Variants in SMAD2 observed in about 807,000 individuals in gnomAD.
SMAD2 encodes the protein SMAD family member 2.
In SMAD2, 8 loss-of-function variants were observed where a neutral mutation model predicts 64.4. The observed-to-expected ratio is 0.12, with a 90% CI of 0.07 to 0.22. The LOEUF (loss-of-function observed/expected upper bound fraction) is 0.22. Ranked by LOEUF, SMAD2 falls within the 10% of genes least tolerant of loss-of-function variation. SMAD2 has a pLI of 1.00. For synonymous variants in SMAD2, 203 were observed against 195.8 expected (o/e 1.04, Z -0.31); for missense variants, 289 against 561.2 (o/e 0.51, Z 4.90).
Position 47,860,224 on chromosome 18 carries a change from T to C in SMAD2, c.730+4835A>G, listed in dbSNP as rs142740390. On this transcript the variant is annotated intron_variant, in intron 6 of 10. Coordinates refer to ENST00000262160, the MANE Select transcript of SMAD2 (RefSeq NM_005901.6). ...ACATACACAAAATTAAAAATGTAAA[T>C]AATTCTCAATTTAAAAAACCTTTTC... Among the ~76,000 whole-genome samples the C allele has an allele frequency of 5.6e-3, 860 of 152,242 alleles. 4 individuals carry two copies. Among genetic ancestry groups the C allele is most frequent in the African/African-American group, 0.019 (803 of 41,536 alleles).
chr18:47,919,259 A>G (rs775977793), intron 1 of SMAD2, among the ~76,000 whole-genome samples: 3 of 152,054 alleles, frequency 2.0e-5, no homozygotes. Context: ...ATTTTCAGAC[A>G]TGCAACATCT....
At chr18:47,903,876 T>G (rs371389152) in intron 1 of SMAD2, among the ~76,000 whole-genome samples, 2,095 of 48,878 alleles carry the variant, frequency 0.043, 193 homozygotes, top group Non-Finnish European at 0.051. Flanking sequence ...AAAAACAGTG[T>G]GGGGGGGGGG....
chr18:47,904,681 T>A (rs1598870827), intron 1 of SMAD2, among the ~76,000 whole-genome samples: 1 of 152,158 alleles, frequency 6.6e-6, no homozygotes, highest in Non-Finnish European at 1.5e-5. Context: ...AAGGTCATCA[T>A]CACTAAGTAG....
chr18:47,896,659 T>G lies in SMAD2; in HGVS notation c.98A>C (p.Gln33Pro). 6.2e-7 allele frequency: 1 copy of G among 1,614,168 alleles called. No individual in the cohort carries two copies. The highest frequency in any genetic ancestry group is 1.1e-5 in the South Asian group (1 of 91,082). The change falls in exon 2 of 11, where the codon CAG becomes CCG. Residue 33 changes from glutamine to proline, a missense_variant. By Grantham distance (76) the Gln-to-Pro change is moderately conservative (BLOSUM62 -1). Around this residue, in one of 6 missense-constraint regions of SMAD2, gnomAD observed 89 missense variants for 137.1 expected, o/e 0.65. Transcript: ENST00000262160. Reference protein sequence around the residue: ...GGSGGAGGGEQNGQEEKWCEK... With the variant: ...GGSGGAGGGEPNGQEEKWCEK... ...ACACCACTTTTCTTCCTGCCCATTC[T>G]GCTCTCCTCCGCCTGCTCCTCCAGA...
At chr18:47,853,942 T>TG (rs2030405956) in intron 6 of SMAD2, among the ~76,000 whole-genome samples, 1 of 152,166 alleles carries the variant, frequency 6.6e-6, no homozygotes, top group Non-Finnish European at 1.5e-5. Context: ...TTTTAACTGT[T>TG]TACTCCTCTA....
chr18:47,913,560 G>A lies in SMAD2; in HGVS notation c.-53-16751C>T, dbSNP rs571064431. On this transcript the variant is annotated intron_variant, in intron 1 of 10. Transcript: ENST00000262160. ...ATTATGTAATAAAATAACATTTGTT[G>A]TAAGTAATGCTGATAATACATCTTC... Among the ~76,000 whole-genome samples, 179 of 152,304 alleles carry A rather than the reference G, an allele frequency of 1.2e-3. 2 individuals are homozygous for A. Among genetic ancestry groups the A allele is most frequent in the Admixed American group, 1.6e-3 (25 of 15,300 alleles).
chr18:47,915,928 C>CCTTTTGAA (rs1345301074), intron 1 of SMAD2, among the ~76,000 whole-genome samples: 2 of 152,024 alleles, frequency 1.3e-5, no homozygotes, highest in Non-Finnish European at 2.9e-5. Flanking sequence ...TTTTTAACAC[C>CCTTTTGAA]CTTTTGAAAG....
intron 2 of SMAD2, among the ~76,000 whole-genome samples, chr18:47,888,279 A>G (rs1006163386): frequency 6.6e-6 from 1 of 152,220 alleles, no homozygotes; most frequent in African/African-American, 2.4e-5. Context: ...GCAGCAAAGC[A>G]GCTTTCTAGG....
intron 2 of SMAD2, among the ~76,000 whole-genome samples, chr18:47,893,262 A>T (rs1415150221): frequency 6.6e-6 from 1 of 152,230 alleles, no homozygotes; most frequent in African/African-American, 2.4e-5. Flanking sequence ...AAACTGCCAG[A>T]GGCAACAAGA....
chr18:47,854,698 T>C (rs114077818), intron 6 of SMAD2, among the ~76,000 whole-genome samples: 1 of 152,122 alleles, frequency 6.6e-6, no homozygotes, highest in Non-Finnish European at 1.5e-5. Context: ...TGTTTTAATT[T>C]AAAAAAGACT....
At chr18:47,849,669 A>G (rs761457158) in intron 7 of SMAD2, among the ~76,000 whole-genome samples, 19 of 152,092 alleles carry the variant, frequency 1.2e-4, no homozygotes, top group Non-Finnish European at 2.2e-4. Context: ...GATTACTTAT[A>G]ATACCTAATA....
At position 47,815,745 on chromosome 18, in the gene SMAD2, G is replaced by A. The variant is rs1428882042; in HGVS notation, c.*26082C>T. 1 of 152,246 alleles carries A rather than the reference G, an allele frequency of 6.6e-6. No homozygotes were observed. Among genetic ancestry groups the A allele is most frequent in the Non-Finnish European group, 1.5e-5 (1 of 68,050 alleles). The allele number at this position is 152,246 out of a possible 1,614,324, so 9.4% of individuals were successfully genotyped here. A position where few individuals can be genotyped will look rare whatever the true frequency, so the allele number is the denominator to read the frequency against. ...TGAACTGGTCTCGACACACTTGGCT[G>A]TGAATAGCAGGGATAGAAAGTAGTT... On this transcript the variant is annotated 3_prime_UTR_variant, in exon 11 of 11. Transcript: ENST00000262160.
intron 8 of SMAD2, among the ~76,000 whole-genome samples, chr18:47,848,223 A>G (rs1024487323): frequency 1.7e-4 from 26 of 152,224 alleles, no homozygotes; most frequent in Non-Finnish European, 8.8e-5. Flanking sequence ...AATTAAACTT[A>G]TCTTAACACA....
At chr18:47,917,398 G>A in intron 1 of SMAD2, among the ~76,000 whole-genome samples, 1 of 152,076 alleles carries the variant, frequency 6.6e-6, no homozygotes, top group Admixed American at 6.6e-5. Flanking sequence ...AATACAGTTG[G>A]TTGGATTTTT....
At chr18:47,888,853 G>A (rs1023333536) in intron 2 of SMAD2, among the ~76,000 whole-genome samples, 6 of 152,146 alleles carry the variant, frequency 3.9e-5, no homozygotes, top group African/African-American at 7.2e-5. Context: ...AACAGAAGCA[G>A]ACCAACAGAT....
At chr18:47,850,812 ATATAT>A (rs1319156740) in intron 7 of SMAD2, among the ~76,000 whole-genome samples, 47 of 3,696 alleles carry the variant, frequency 0.013, 1 homozygote, top group African/African-American at 0.023. Context: ...ATTATGTATA[ATATAT>A]TATATATTAT....
intron 1 of SMAD2, chr18:47,922,789 T>C (rs2034614338): frequency 1.3e-5 from 2 of 152,374 alleles, no homozygotes; most frequent in African/African-American, 4.8e-5. Context: ...ACCCAATTTT[T>C]TAAAAACAGA....
chr18:47,890,703 A>G (rs569408802), intron 2 of SMAD2, among the ~76,000 whole-genome samples: 1 of 152,346 alleles, frequency 6.6e-6, no homozygotes, highest in South Asian at 2.1e-4. Flanking sequence ...CAGGTTATCA[A>G]ACTTGAAATT....
At chr18:47,912,794 A>C (rs2034187602) in intron 1 of SMAD2, among the ~76,000 whole-genome samples, 1 of 150,192 alleles carries the variant, frequency 6.7e-6, no homozygotes, top group African/African-American at 2.5e-5. Context: ...CTTTGGTTCA[A>C]TTATTCCATT....
Sources: allele counts gnomAD v4.1 joint callset (sites outside exome capture counted in the v4.1 genomes callset), GRCh38; gene constraint gnomAD v4.1.1; regional missense constraint gnomAD v4.1.1; transcripts MANE v1.5; gene names NCBI Gene and HGNC (gene_info 2026-07-23, HGNC 2026-07-21).